DOCK7: variants seen among roughly 807,000 people sequenced by gnomAD.
The protein encoded by DOCK7 is dedicator of cytokinesis protein 7.
In DOCK7, 138 loss-of-function variants were observed where a neutral mutation model predicts 271.0. The ratio of observed to expected loss-of-function variants is 0.51; its 90% CI spans 0.44 to 0.59. The LOEUF is 0.59. DOCK7 is among the 20% of genes least tolerant of loss of function. The probability of loss-of-function intolerance (pLI) is 0.00; values close to 1 mark genes in which losing one functional copy is unlikely to be tolerated. For missense variants in DOCK7, 2,066 were observed against 2,592.4 expected, an observed-to-expected ratio of 0.80 and a Z score of 4.41; for synonymous variants, 823 against 876.1, an observed-to-expected ratio of 0.94 and a Z score of 1.07.
intron 14 of DOCK7, among the ~76,000 whole-genome samples, chr1:62,589,018 A>G (rs1247267474): frequency 1.3e-5 from 2 of 152,262 alleles, no homozygotes; most frequent in African/African-American, 2.4e-5. Flanking sequence ...CTGGGATAAC[A>G]GGCACAAGCC....
At chr1:62,604,083 T>G in intron 14 of DOCK7, 1 of 1,613,326 alleles carries the variant, frequency 6.2e-7, no homozygotes, top group Non-Finnish European at 8.5e-7. Flanking sequence ...GAATATTCTT[T>G]TTACTTGGGA....
At chr1:62,652,262 A>C (rs1244962892) in intron 4 of DOCK7, among the ~76,000 whole-genome samples, 1 of 152,086 alleles carries the variant, frequency 6.6e-6, no homozygotes. Flanking sequence ...ATTATTCTGT[A>C]CTATAGTTTT....
intron 11 of DOCK7, among the ~76,000 whole-genome samples, chr1:62,627,255 T>C (rs1052792633): frequency 9.9e-5 from 15 of 152,158 alleles, no homozygotes; most frequent in African/African-American, 3.4e-4. Flanking sequence ...AATACATCTA[T>C]GAAAAGCCAA....
Position 62,577,340 on chromosome 1 carries a change from T to C in DOCK7, c.2034A>G (p.Gly678=). 6.3e-7 allele frequency: 1 copy of C among 1,586,458 alleles called. No individual in the cohort carries two copies. The highest frequency in any genetic ancestry group is 8.6e-7 in the Non-Finnish European group (1 of 1,163,258). The change falls in exon 18 of 50, where the codon GGA becomes GGG. Residue 678 remains glycine (G), a synonymous_variant. Transcript: ENST00000635253. ...AGCAAAACTGGCCAGTCTTCAACCG[T>C]CCATTCTGAAGCATTGGTATCCACT... ...GYTWIPMLQN[G]RLKTGQFCLP...
chr1:62,560,436 T>C (rs1053572585), intron 19 of DOCK7, among the ~76,000 whole-genome samples: 3 of 152,134 alleles, frequency 2.0e-5, no homozygotes, highest in East Asian at 1.9e-4. Flanking sequence ...CTGAAGTACG[T>C]AGGCACTTCA....
rs755928702 is a variant in DOCK7, at chr1:62,528,197, G to A, written c.3890C>T (p.Ser1297Leu). ...QTVAMAIAGT[S>L]VPQLTRPGSF... ...GCCAGGCCTTGTTAGTTGAGGGACC[G>A]ATGTCCCTGCGATTGCCATGGCAAC... is the stretch of plus-strand genomic sequence containing the variant. The change falls in exon 31 of 50, where the codon TCG (serine) becomes TTG (leucine). Residue 1297 changes from serine to leucine, a missense_variant. By Grantham distance (145) the Ser-to-Leu change is moderately radical. Coordinates refer to ENST00000635253, the MANE Select transcript of DOCK7 (RefSeq NM_001367561.1). 3.7e-6 allele frequency: 6 copies of A among 1,613,552 alleles called. No individual in the cohort carries two copies. Among genetic ancestry groups the A allele is most frequent in the African/African-American group, 1.3e-5 (1 of 74,994 alleles).
intron 17 of DOCK7, 53 bp downstream of exon 17, chr1:62,578,775 A>T: frequency 7.1e-7 from 1 of 1,413,994 alleles, no homozygotes; most frequent in Non-Finnish European, 9.5e-7. Flanking sequence ...TATATCTTAA[A>T]TATCACCATT....
At chr1:62,480,802 G>A (rs1441499481) in intron 43 of DOCK7, among the ~76,000 whole-genome samples, 1 of 152,160 alleles carries the variant, frequency 6.6e-6, no homozygotes, top group African/African-American at 2.4e-5. Context: ...GAGGTCAGGA[G>A]ATCGAGACCA....
chr1:62,556,028 T>C, intron 20 of DOCK7, 39 bp from the exon 21 acceptor site: 1 of 1,593,192 alleles, frequency 6.3e-7, no homozygotes, highest in Admixed American at 1.7e-5. Flanking sequence ...TGCTTTAACT[T>C]TTTTTAGACT....
chr1:62,681,882 G>A (rs773785520), intron 1 of DOCK7, among the ~76,000 whole-genome samples: 2 of 152,048 alleles, frequency 1.3e-5, no homozygotes, highest in African/African-American at 4.8e-5. Flanking sequence ...GATTCCACCC[G>A]AATGACTTCA....
intron 2 of DOCK7, among the ~76,000 whole-genome samples, chr1:62,654,931 A>T (rs1657815430): frequency 2.0e-5 from 3 of 152,216 alleles, no homozygotes. Context: ...TTTGGAAGAG[A>T]CAAAGAACTG....
chr1:62,460,368 A>G (rs1282279625), intron 48 of DOCK7, among the ~76,000 whole-genome samples: 1 of 152,194 alleles, frequency 6.6e-6, no homozygotes, highest in Non-Finnish European at 1.5e-5. Flanking sequence ...TTGAACATGT[A>G]CAGACTTTTT....
chr1:62,529,138 T>C lies in DOCK7; in HGVS notation c.3781+139A>G, dbSNP rs2149372523. ...CACGGTCAAAGGTTTTCTGGCAATA[T>C]AGTTTAATATTTATAGTTTACTTTG... is the stretch of plus-strand genomic sequence containing the variant. On this transcript the variant is annotated intron_variant, in intron 30 of 49. Coordinates refer to ENST00000635253, the MANE Select transcript of DOCK7 (RefSeq NM_001367561.1). 6.3e-6 allele frequency: 5 copies of C among 792,414 alleles called. No homozygotes were observed. In the Admixed American group the frequency reaches 1.5e-4, roughly 23 times the overall value. The allele number at this position is 792,414 out of a possible 1,614,324, so 49.1% of individuals were successfully genotyped here.
At chr1:62,527,228 A>G (rs1055905267) in intron 31 of DOCK7, among the ~76,000 whole-genome samples, 2 of 152,182 alleles carry the variant, frequency 1.3e-5, no homozygotes, top group Non-Finnish European at 2.9e-5. Flanking sequence ...GGAAAAGTTC[A>G]GGGGCATAGT....
intron 35 of DOCK7, among the ~76,000 whole-genome samples, chr1:62,507,229 G>A (rs1051256373): frequency 6.6e-6 from 1 of 152,192 alleles, no homozygotes; most frequent in Non-Finnish European, 1.5e-5. Flanking sequence ...ACCTGGCAGA[G>A]TAGTGGTAGT....
chr1:62,570,389 A>G (rs1039964531), intron 18 of DOCK7, among the ~76,000 whole-genome samples: 50 of 152,208 alleles, frequency 3.3e-4, no homozygotes, highest in African/African-American at 1.2e-3. Flanking sequence ...ACCACTGCTC[A>G]AGGAAATCAG....
intron 14 of DOCK7, chr1:62,601,972 C>CAT (rs913182728): frequency 1.2e-5 from 9 of 749,572 alleles, no homozygotes; most frequent in African/African-American, 5.3e-5. Flanking sequence ...TTGTTTTATA[C>CAT]ATATATATAT....
chr1:62,648,727 A>G (rs1276321511), intron 4 of DOCK7, among the ~76,000 whole-genome samples, 183 bp from the exon 5 acceptor site: 1 of 152,074 alleles, frequency 6.6e-6, no homozygotes, highest in South Asian at 2.1e-4. Flanking sequence ...CCAGCTAAGG[A>G]GTAGAGTATG....
At chr1:62,533,107 C>T (rs935734614) in intron 29 of DOCK7, among the ~76,000 whole-genome samples, 1 of 152,074 alleles carries the variant, frequency 6.6e-6, no homozygotes, top group Non-Finnish European at 1.5e-5. Flanking sequence ...GGAGCCCCCC[C>T]TCCCTCTATA....
Sources: gnomAD v4.1 joint callset for allele counts (sites outside exome capture counted in the v4.1 genomes callset) on GRCh38, gnomAD v4.1.1 for gene constraint, MANE v1.5 for transcripts, NCBI Gene and HGNC (gene_info 2026-07-23, HGNC 2026-07-21) for gene names.